Variants in FAM114A1 observed in about 807,000 individuals in gnomAD.
The protein encoded by FAM114A1 is protein NOXP20.
FAM114A1 carries 62 observed loss-of-function variants against 64.3 expected under a neutral mutation model. The ratio of observed to expected loss-of-function variants is 0.96; its 90% CI spans 0.79 to 1.19. The LOEUF is 1.19. Ranked by LOEUF, FAM114A1 falls within the 50% of genes most tolerant of loss-of-function variation. The probability of loss-of-function intolerance (pLI) is 0.00; values close to 1 mark genes in which losing one functional copy is unlikely to be tolerated. For missense variants in FAM114A1, 645 were observed against 676.3 expected (o/e 0.95, Z 0.51); for synonymous variants, 254 against 251.1 (o/e 1.01, Z -0.11).
At chr4:38,888,672 G>A (rs1716049255) in intron 3 of FAM114A1, among the ~76,000 whole-genome samples, 1 of 152,188 alleles carries the variant, frequency 6.6e-6, no homozygotes, top group South Asian at 2.1e-4. Context: ...AGAGTTATGG[G>A]GAGCAGGCAG....
At chr4:38,932,446 A>T in intron 12 of FAM114A1, 72 bp downstream of exon 12, 2 of 1,378,804 alleles carry the variant, frequency 1.5e-6, no homozygotes, top group Non-Finnish European at 1.9e-6. Context: ...ACACACATAC[A>T]CACCCACACC....
intron 6 of FAM114A1, among the ~76,000 whole-genome samples, chr4:38,906,086 G>T (rs1453489337): frequency 6.6e-6 from 1 of 152,134 alleles, no homozygotes; most frequent in Non-Finnish European, 1.5e-5. Context: ...GAAGGGAGCT[G>T]TTTGGAAGGA....
At chr4:38,882,083 C>T (rs1356615488) in intron 3 of FAM114A1, among the ~76,000 whole-genome samples, 1 of 148,754 alleles carries the variant, frequency 6.7e-6, no homozygotes, top group Non-Finnish European at 1.5e-5. Context: ...GAGGCCGAGG[C>T]GGGTGGATCA....
intron 14 of FAM114A1, among the ~76,000 whole-genome samples, chr4:38,942,833 G>A (rs1721674906): frequency 6.6e-6 from 1 of 152,170 alleles, no homozygotes; most frequent in Non-Finnish European, 1.5e-5. Flanking sequence ...TTTCAGGGCA[G>A]TAGGGTTGAT....
chr4:38,893,752 A>G (rs1716625245), intron 4 of FAM114A1, among the ~76,000 whole-genome samples: 1 of 152,168 alleles, frequency 6.6e-6, no homozygotes, highest in Non-Finnish European at 1.5e-5. Flanking sequence ...GTGTCTTGCT[A>G]TAATCTGACC....
intron 4 of FAM114A1, among the ~76,000 whole-genome samples, chr4:38,896,144 C>T (rs1240560740): frequency 6.6e-6 from 1 of 152,098 alleles, no homozygotes; most frequent in Admixed American, 6.5e-5. Context: ...TGAGGAAAGT[C>T]ATTAAAATTT....
intron 3 of FAM114A1, among the ~76,000 whole-genome samples, chr4:38,882,342 G>T (rs1407677353): frequency 6.5e-5 from 7 of 107,444 alleles, no homozygotes; most frequent in South Asian, 3.0e-4. Flanking sequence ...AAAAAAAAAA[G>T]TTTCTGACCA....
chr4:38,878,597 T>C (rs1281570466), intron 3 of FAM114A1, among the ~76,000 whole-genome samples, 171 bp downstream of exon 3: 1 of 152,170 alleles, frequency 6.6e-6, no homozygotes, highest in Non-Finnish European at 1.5e-5. Flanking sequence ...AAATAATTTG[T>C]CATAATATTT....
At chr4:38,894,470 A>C (rs1309406741) in intron 4 of FAM114A1, among the ~76,000 whole-genome samples, 1 of 152,168 alleles carries the variant, frequency 6.6e-6, no homozygotes, top group Admixed American at 6.5e-5. Context: ...TGTGCCATGA[A>C]AAATAATATC....
At chr4:38,886,608 G>A (rs140441853) in intron 3 of FAM114A1, among the ~76,000 whole-genome samples, 14 of 152,140 alleles carry the variant, frequency 9.2e-5, no homozygotes, top group Non-Finnish European at 1.6e-4. Context: ...ATGATTAAAT[G>A]TAACCTATAT....
rs1232341943 is a variant in FAM114A1 at position 38,944,750 on chromosome 4, C to T, written c.*1193C>T. 6.6e-6 allele frequency: 1 copy of T among 152,114 alleles called. No homozygotes were observed. The highest frequency in any genetic ancestry group is 2.4e-5 in the African/African-American group (1 of 41,414). 9.4% of individuals were successfully genotyped at this position (152,114 alleles called of 1,614,324 possible). Reference sequence around the variant, plus strand: ...TAGGTTGTGCACTCCTTATGAGAATCTAATGCCTGATGAATCTAATGCCTC... The same window carrying T: ...TAGGTTGTGCACTCCTTATGAGAATTTAATGCCTGATGAATCTAATGCCTC... On this transcript the variant is annotated 3_prime_UTR_variant, in exon 15 of 15. Coordinates refer to ENST00000358869, the MANE Select transcript of FAM114A1 (RefSeq NM_138389.4).
At chr4:38,932,857 A>T (rs1466505882) in intron 12 of FAM114A1, among the ~76,000 whole-genome samples, 3 of 142,918 alleles carry the variant, frequency 2.1e-5, no homozygotes, top group Non-Finnish European at 3.1e-5. Context: ...AGAAATAAGG[A>T]TTTTTTTTTT....
intron 3 of FAM114A1, among the ~76,000 whole-genome samples, chr4:38,880,932 C>T (rs1047223959): frequency 3.3e-5 from 5 of 152,158 alleles, no homozygotes; most frequent in Non-Finnish European, 5.9e-5. Context: ...TGCCTGTAAT[C>T]CCAGCACTTG....
rs1474324722 is a variant in FAM114A1, at chr4:38,945,432, A to G, written c.*1875A>G. 1 of 152,218 alleles carries G rather than the reference A, an allele frequency of 6.6e-6. No homozygotes were observed. Among genetic ancestry groups the G allele is most frequent in the Non-Finnish European group, 1.5e-5 (1 of 68,038 alleles). 9.4% of individuals were successfully genotyped at this position (152,218 alleles called of 1,614,324 possible). A position where few individuals can be genotyped will look rare whatever the true frequency, so the allele number is the denominator to read the frequency against. On this transcript the variant is annotated 3_prime_UTR_variant, in exon 15 of 15. Transcript: ENST00000358869. ...GCTTCACAGCCCCATGGACATCCCTACAGGTACTGTCATGTGAAGCCTTGC... is the reference window on the plus strand; with the variant it reads ...GCTTCACAGCCCCATGGACATCCCTGCAGGTACTGTCATGTGAAGCCTTGC...
intron 9 of FAM114A1, among the ~76,000 whole-genome samples, chr4:38,928,064 T>C (rs913976511): frequency 6.6e-6 from 1 of 152,240 alleles, no homozygotes; most frequent in African/African-American, 2.4e-5. Context: ...CTAAGCTAAA[T>C]GTTTTGAATA....
At chr4:38,920,076 G>A (rs981155355) in intron 8 of FAM114A1, among the ~76,000 whole-genome samples, 2 of 152,022 alleles carry the variant, frequency 1.3e-5, no homozygotes, top group African/African-American at 4.8e-5. Context: ...GGGAGTGGTG[G>A]CGTGTACCTA....
intron 4 of FAM114A1, among the ~76,000 whole-genome samples, chr4:38,903,118 A>C (rs1717667192): frequency 6.6e-6 from 1 of 152,244 alleles, no homozygotes; most frequent in Non-Finnish European, 1.5e-5. Context: ...AGAATTGTTA[A>C]TAAGAAAATG....
intron 9 of FAM114A1, among the ~76,000 whole-genome samples, chr4:38,926,459 T>C (rs1720100194): frequency 6.8e-6 from 1 of 146,468 alleles, no homozygotes; most frequent in African/African-American, 2.6e-5. Flanking sequence ...TCTCTCCCCT[T>C]TTTTTTTTTT....
chr4:38,914,853 C>G (rs1187644023), intron 7 of FAM114A1, 68 bp from the exon 8 acceptor site: 2 of 1,544,784 alleles, frequency 1.3e-6, no homozygotes, highest in African/African-American at 1.4e-5. Flanking sequence ...CAACCTCCCC[C>G]ATGTCTTACA....
Sources: gnomAD v4.1 joint callset for allele counts (sites outside exome capture counted in the v4.1 genomes callset) on GRCh38, gnomAD v4.1.1 for gene constraint, MANE v1.5 for transcripts, NCBI Gene and HGNC (gene_info 2026-07-23, HGNC 2026-07-21) for gene names.